CSMD1: variants seen among roughly 807,000 people sequenced by gnomAD.
CSMD1 encodes CUB and Sushi multiple domains 1.
A neutral mutation model predicts 417.5 loss-of-function variants in CSMD1; 213 were observed. That is an observed-to-expected ratio of 0.51 (90% CI 0.46 to 0.57). The LOEUF is 0.57. Ranked by LOEUF, CSMD1 falls within the 20% of genes least tolerant of loss-of-function variation. The pLI is 0.00. For missense variants in CSMD1, 6,923 were observed against 4,529.7 expected, an observed-to-expected ratio of 1.53 and a Z score of -15.17; for synonymous variants, 2,862 against 1,736.8, an observed-to-expected ratio of 1.65 and a Z score of -16.11.
intron 2 of CSMD1, among the ~76,000 whole-genome samples, chr8:4,478,767 A>G (rs1258160950): frequency 1.3e-5 from 2 of 152,230 alleles, no homozygotes; most frequent in Non-Finnish European, 2.9e-5. Context: ...TAAAATATGT[A>G]ACAAATTTTA....
intron 65 of CSMD1, among the ~76,000 whole-genome samples, chr8:2,952,035 G>T (rs575668431): frequency 6.6e-6 from 1 of 151,934 alleles, no homozygotes; most frequent in Non-Finnish European, 1.5e-5. Context: ...TTGTTTTCAC[G>T]GCTTAAGAAA....
intron 11 of CSMD1, among the ~76,000 whole-genome samples, chr8:3,472,840 T>C (rs976803232): frequency 6.6e-6 from 1 of 152,084 alleles, no homozygotes; most frequent in African/African-American, 2.4e-5. Flanking sequence ...AAGTTTTTTT[T>C]TTATTCTTTT....
chr8:4,945,468 G>A (rs1440008105), intron 1 of CSMD1, among the ~76,000 whole-genome samples: 1 of 151,508 alleles, frequency 6.6e-6, no homozygotes, highest in Non-Finnish European at 1.5e-5. Context: ...GCTGAGGTGG[G>A]CGGATTACTT....
At chr8:4,149,229 G>T (rs1222308233) in intron 3 of CSMD1, among the ~76,000 whole-genome samples, 1 of 152,004 alleles carries the variant, frequency 6.6e-6, no homozygotes, top group South Asian at 2.1e-4. Context: ...CTCCCAAACT[G>T]CTGAGATAAC....
intron 3 of CSMD1, among the ~76,000 whole-genome samples, chr8:4,072,110 C>G (rs541712822): frequency 6.6e-6 from 1 of 152,176 alleles, no homozygotes; most frequent in Non-Finnish European, 1.5e-5. Context: ...ATGGATGATT[C>G]GCTATAGGCT....
chr8:3,231,752 G>C (rs993832184), intron 26 of CSMD1, among the ~76,000 whole-genome samples: 1 of 152,226 alleles, frequency 6.6e-6, no homozygotes, highest in South Asian at 2.1e-4. Context: ...CCTATAGTTG[G>C]TCAGACCTGC....
chr8:3,960,137 C>A (rs1812224454), intron 5 of CSMD1, among the ~76,000 whole-genome samples: 1 of 152,136 alleles, frequency 6.6e-6, no homozygotes, highest in Non-Finnish European at 1.5e-5. Context: ...ATGATAGAAA[C>A]TTACAGACAT....
intron 1 of CSMD1, among the ~76,000 whole-genome samples, chr8:4,953,057 G>A (rs1000856672): frequency 5.7e-5 from 3 of 52,340 alleles, no homozygotes; most frequent in Non-Finnish European, 8.8e-5. Flanking sequence ...GTGAGCAGAT[G>A]TTAAGACAAA....
chr8:4,141,720 T>A (rs1340162529), intron 3 of CSMD1, among the ~76,000 whole-genome samples: 10 of 151,080 alleles, frequency 6.6e-5, no homozygotes, highest in Non-Finnish European at 1.5e-4. Context: ...GATCTAATAA[T>A]CTTGCAACTA....
rs1363488249 is a variant in CSMD1, at chr8:3,869,247, C to G, written c.819-115205G>C. ...TGATGCTCTGCCTAGCACTGCATGC[C>G]TTCACTCAAGGGTCTCTTTCTCAAA... is the stretch of plus-strand genomic sequence containing the variant. On this transcript the variant is annotated intron_variant, in intron 5 of 69. Transcript: ENST00000635120. 4.6e-5 allele frequency among the ~76,000 whole-genome samples: 7 copies of G among 152,268 alleles called. No homozygotes were observed. The East Asian group carries it at 1.4e-3, about 29-fold the overall frequency.
At chr8:3,750,146 A>G (rs1258547367) in intron 6 of CSMD1, among the ~76,000 whole-genome samples, 1 of 152,196 alleles carries the variant, frequency 6.6e-6, no homozygotes, top group Non-Finnish European at 1.5e-5. Context: ...AGGGTTTCTT[A>G]GGAATTCCAG....
intron 1 of CSMD1, among the ~76,000 whole-genome samples, chr8:4,862,534 G>A (rs573935901): frequency 6.6e-6 from 1 of 152,192 alleles, no homozygotes; most frequent in East Asian, 1.9e-4. Context: ...AAGAAGAGTA[G>A]TGGAGGTGGT....
At chr8:4,919,099 T>C (rs1188282944) in intron 1 of CSMD1, among the ~76,000 whole-genome samples, 5 of 152,240 alleles carry the variant, frequency 3.3e-5, no homozygotes, top group African/African-American at 1.2e-4. Context: ...ATAATGATTA[T>C]GTAACATGTC....
At chr8:3,049,319 T>C (rs1377038840) in intron 50 of CSMD1, among the ~76,000 whole-genome samples, 1 of 152,184 alleles carries the variant, frequency 6.6e-6, no homozygotes, top group Non-Finnish European at 1.5e-5. Flanking sequence ...ATTGTAAAAC[T>C]TGGAAGCAAC....
chr8:4,238,595 C>G (rs1019769057), intron 3 of CSMD1, among the ~76,000 whole-genome samples: 1 of 152,160 alleles, frequency 6.6e-6, no homozygotes, highest in African/African-American at 2.4e-5. Context: ...CTCTAAAGGA[C>G]TTCAGTCTTC....
intron 1 of CSMD1, among the ~76,000 whole-genome samples, chr8:4,836,082 G>A (rs1030820505): frequency 2.6e-5 from 4 of 152,084 alleles, no homozygotes; most frequent in South Asian, 2.1e-4. Context: ...ACATACACAA[G>A]TAATGCAAGA....
At chr8:3,594,556 A>C (rs781315910) in intron 8 of CSMD1, among the ~76,000 whole-genome samples, 4 of 152,196 alleles carry the variant, frequency 2.6e-5, no homozygotes, top group African/African-American at 7.2e-5. Context: ...TATTTCCATT[A>C]CCATGGAGGC....
chr8:4,355,936 T>C (rs1057454019), intron 3 of CSMD1, among the ~76,000 whole-genome samples: 8 of 152,108 alleles, frequency 5.3e-5, no homozygotes, highest in Non-Finnish European at 7.4e-5. Flanking sequence ...TGTTTTGTTT[T>C]GTTTGTAGAA....
intron 11 of CSMD1, among the ~76,000 whole-genome samples, chr8:3,486,898 A>G (rs1818069557): frequency 6.6e-6 from 1 of 152,206 alleles, no homozygotes; most frequent in Admixed American, 6.5e-5. Flanking sequence ...CAGGGTGTCC[A>G]GAGAGATCTG....
Sources: allele counts gnomAD v4.1 joint callset (sites outside exome capture counted in the v4.1 genomes callset), GRCh38; gene constraint gnomAD v4.1.1; transcripts MANE v1.5; gene names NCBI Gene and HGNC (gene_info 2026-07-23, HGNC 2026-07-21).